Variants in CDCA4 observed in about 807,000 individuals in gnomAD.
The protein encoded by CDCA4 is cell division cycle-associated protein 4.
For synonymous variants in CDCA4, 130 were observed against 137.0 expected (o/e 0.95, Z 0.36); for missense variants, 294 against 322.1 (o/e 0.91, Z 0.67).
intron 1 of CDCA4, among the ~76,000 whole-genome samples, chr14:105,014,752 GA>G (rs1447620429): frequency 6.6e-6 from 1 of 152,178 alleles, no homozygotes; most frequent in East Asian, 1.9e-4. Context: ...CTGCGTTGGG[GA>G]AAAGATTAAG....
rs1566937727 is a variant in CDCA4, at chr14:105,011,089, GA to G, written c.*114del. ...TAATGGGCTGTTCTGGGATTTCTCAGAATCAGCAGACAGGGCAGCAAGGCTG... is the reference window on the plus strand; with the variant it reads ...TAATGGGCTGTTCTGGGATTTCTCAGATCAGCAGACAGGGCAGCAAGGCTG... On this transcript the variant is annotated 3_prime_UTR_variant, in exon 2 of 2. Transcript: ENST00000336219. The G allele has an allele frequency of 1.6e-6, 2 of 1,267,558 alleles. No homozygotes were observed. Among genetic ancestry groups the G allele is most frequent in the Non-Finnish European group, 2.1e-6 (2 of 937,736 alleles). The allele number at this position is 1,267,558 out of a possible 1,614,324, so 78.5% of individuals were successfully genotyped here. A position where few individuals can be genotyped will look rare whatever the true frequency, so the allele number is the denominator to read the frequency against.
intron 1 of CDCA4, among the ~76,000 whole-genome samples, chr14:105,019,951 G>C (rs968697242): frequency 2.6e-5 from 4 of 152,208 alleles, no homozygotes; most frequent in African/African-American, 9.6e-5. Flanking sequence ...GACCTCAGGA[G>C]ATCCACCCGC....
intron 1 of CDCA4, among the ~76,000 whole-genome samples, chr14:105,019,028 G>A (rs1408370199): frequency 6.6e-6 from 1 of 152,088 alleles, no homozygotes; most frequent in Non-Finnish European, 1.5e-5. Context: ...GAGCCACCAT[G>A]CCTGGCCCCC....
intron 1 of CDCA4, among the ~76,000 whole-genome samples, chr14:105,012,558 C>T (rs758039508): frequency 6.6e-6 from 1 of 152,228 alleles, no homozygotes; most frequent in Non-Finnish European, 1.5e-5. Flanking sequence ...ACCAGGAACG[C>T]GCAGGGGAAG....
chr14:105,011,208 G>C lies in CDCA4; in HGVS notation c.722C>G (p.Thr241Ser). Residue 241 changes from threonine to serine, a missense_variant, in exon 2 of 2, where the codon ACC becomes AGC. Transcript: ENST00000336219. ...LDHVVEILVE[T>S] ...GTGAGCACTCAGGGCTCCTGCTCAG[G>C]TCTCCACCAGGATCTCCACCACGTG... The C allele has an allele frequency of 6.2e-7, 1 of 1,607,292 alleles. No individual in the cohort carries two copies. Among genetic ancestry groups the C allele is most frequent in the Non-Finnish European group, 8.5e-7 (1 of 1,176,654 alleles).
chr14:105,020,217 G>A (rs1197017723), intron 1 of CDCA4, among the ~76,000 whole-genome samples: 2 of 152,216 alleles, frequency 1.3e-5, no homozygotes, highest in Non-Finnish European at 2.9e-5. Flanking sequence ...TAGAGTGGTT[G>A]TACGTAGAAA....
At chr14:105,020,312 G>A (rs1886194443) in intron 1 of CDCA4, among the ~76,000 whole-genome samples, 1 of 152,340 alleles carries the variant, frequency 6.6e-6, no homozygotes, top group Non-Finnish European at 1.5e-5. Context: ...CCGCCGTCCC[G>A]TGCGTCCCAC....
intron 1 of CDCA4, among the ~76,000 whole-genome samples, chr14:105,016,565 T>C (rs1375259021): frequency 6.6e-6 from 1 of 152,232 alleles, no homozygotes; most frequent in Non-Finnish European, 1.5e-5. Context: ...TCCTCTTGTT[T>C]TGCCAAGTCT....
At chr14:105,014,297 A>G (rs1900587939) in intron 1 of CDCA4, among the ~76,000 whole-genome samples, 1 of 152,232 alleles carries the variant, frequency 6.6e-6, no homozygotes, top group African/African-American at 2.4e-5. Flanking sequence ...CTGGCTGTGC[A>G]TCCTACAAGG....
chr14:105,012,705 C>T (rs961951521), intron 1 of CDCA4, among the ~76,000 whole-genome samples: 1 of 152,196 alleles, frequency 6.6e-6, no homozygotes, highest in African/African-American at 2.4e-5. Flanking sequence ...CCCATGCTGC[C>T]TGCCTTAGGG....
chr14:105,013,391 G>A (rs765705835), intron 1 of CDCA4, among the ~76,000 whole-genome samples: 6 of 152,180 alleles, frequency 3.9e-5, no homozygotes, highest in Admixed American at 2.6e-4. Context: ...AGCATCTCAC[G>A]CATGATTAAG....
chr14:105,012,660 A>T, intron 1 of CDCA4, among the ~76,000 whole-genome samples: 1 of 152,162 alleles, frequency 6.6e-6, no homozygotes, highest in East Asian at 1.9e-4. Context: ...GGCCGAGCCT[A>T]TGTGGCCCTG....
chr14:105,020,417 G>A (rs1282715038), intron 1 of CDCA4, among the ~76,000 whole-genome samples: 2 of 152,218 alleles, frequency 1.3e-5, no homozygotes, highest in African/African-American at 2.4e-5. Context: ...GGGGCGAGAA[G>A]CGTCTGAAGA....
chr14:105,014,459 A>G (rs1900593748), intron 1 of CDCA4, among the ~76,000 whole-genome samples: 1 of 152,202 alleles, frequency 6.6e-6, no homozygotes, highest in South Asian at 2.1e-4. Context: ...ATTTCCCCAG[A>G]GCAGCATGCC....
intron 1 of CDCA4, among the ~76,000 whole-genome samples, chr14:105,016,991 TTTTCA>T (rs1235235393): frequency 5.3e-5 from 8 of 152,346 alleles, no homozygotes; most frequent in Non-Finnish European, 1.0e-4. Flanking sequence ...GAACATTGGT[TTTTCA>T]TTTCTCTTGG....
chr14:105,014,887 A>C (rs1020397553), intron 1 of CDCA4, among the ~76,000 whole-genome samples: 19 of 152,280 alleles, frequency 1.2e-4, no homozygotes, highest in African/African-American at 4.6e-4. Flanking sequence ...AATCCTCTTG[A>C]ACAGCATGCA....
At chr14:105,018,073 A>G (rs989497148) in intron 1 of CDCA4, among the ~76,000 whole-genome samples, 1 of 151,928 alleles carries the variant, frequency 6.6e-6, no homozygotes, top group Non-Finnish European at 1.5e-5. Context: ...AAAACACAGA[A>G]GGGTAGCCAC....
At chr14:105,013,578 T>C (rs1349854797) in intron 1 of CDCA4, among the ~76,000 whole-genome samples, 2 of 152,152 alleles carry the variant, frequency 1.3e-5, no homozygotes, top group Non-Finnish European at 2.9e-5. Flanking sequence ...AGCTGGCGTA[T>C]GGGAGGCACA....
At chr14:105,019,713 G>GTTT (rs143638553) in intron 1 of CDCA4, among the ~76,000 whole-genome samples, 30,846 of 151,344 alleles carry the variant, frequency 0.2, 4,229 homozygotes, top group African/African-American at 0.39. Flanking sequence ...TCAGGTATTT[G>GTTT]GTTTTTTTTG....
Sources: gnomAD v4.1 joint callset for allele counts (sites outside exome capture counted in the v4.1 genomes callset) on GRCh38, gnomAD v4.1.1 for gene constraint, MANE v1.5 for transcripts, NCBI Gene and HGNC (gene_info 2026-07-23, HGNC 2026-07-21) for gene names.